Variants in NAALADL2 observed in about 807,000 individuals in gnomAD.
NAALADL2 encodes the protein N-acetylated alpha-linked acidic dipeptidase like 2.
In NAALADL2, 76 loss-of-function variants were observed where a neutral mutation model predicts 87.2. That is an observed-to-expected ratio of 0.87 (90% CI 0.72 to 1.05). NAALADL2 has a LOEUF of 1.05. Among genes scored for constraint, NAALADL2 ranks in the 50% least tolerant of loss-of-function variants. The pLI is 0.00. For synonymous variants in NAALADL2, 354 were observed against 331.0 expected (o/e 1.07, Z -0.75); for missense variants, 1,089 against 945.8 (o/e 1.15, Z -1.99).
intron 9 of NAALADL2, among the ~76,000 whole-genome samples, chr3:175,560,009 T>G (rs1357765394): frequency 2.0e-5 from 3 of 152,214 alleles, no homozygotes; most frequent in African/African-American, 7.2e-5. Context: ...TTGAGTAGCA[T>G]TGGTATCAGA....
intron 1 of NAALADL2, among the ~76,000 whole-genome samples, chr3:174,992,732 A>G (rs1432087480): frequency 6.6e-6 from 1 of 152,140 alleles, no homozygotes; most frequent in Non-Finnish European, 1.5e-5. Flanking sequence ...ATAATTTGCT[A>G]TTTAAAAACT....
chr3:175,147,914 A>G (rs1444516318), intron 2 of NAALADL2, among the ~76,000 whole-genome samples: 2 of 151,974 alleles, frequency 1.3e-5, no homozygotes, highest in South Asian at 2.1e-4. Flanking sequence ...TTCTAAAAAT[A>G]CAAAAATTAG....
intron 13 of NAALADL2, among the ~76,000 whole-genome samples, chr3:175,782,946 CATTT>C (rs1465631579): frequency 6.8e-6 from 1 of 147,196 alleles, no homozygotes; most frequent in Non-Finnish European, 1.5e-5. Flanking sequence ...TTCCCAGCAC[CATTT>C]ATTAAATAGG....
intron 1 of NAALADL2, chr3:174,441,164 G>A (rs993357186): frequency 6.6e-6 from 1 of 152,266 alleles, no homozygotes; most frequent in African/African-American, 2.4e-5. Context: ...CTGAGCTGTG[G>A]GCCGCACCCC....
chr3:175,014,741 A>G (rs1351174672), intron 1 of NAALADL2, among the ~76,000 whole-genome samples: 10 of 152,172 alleles, frequency 6.6e-5, no homozygotes, highest in Admixed American at 6.6e-4. Flanking sequence ...TCTGCATCCC[A>G]AACACTATCT....
chr3:174,783,779 G>C (rs555645651), intron 3 of NAALADL2, among the ~76,000 whole-genome samples: 5 of 152,190 alleles, frequency 3.3e-5, no homozygotes, highest in African/African-American at 1.2e-4. Context: ...GGACAAGGCT[G>C]AAGGAGTGAC....
chr3:175,538,083 A>C (rs867885492), intron 9 of NAALADL2, among the ~76,000 whole-genome samples: 1 of 152,198 alleles, frequency 6.6e-6, no homozygotes, highest in African/African-American at 2.4e-5. Context: ...CATGTGGTTT[A>C]ATTAAATTAT....
intron 2 of NAALADL2, among the ~76,000 whole-genome samples, chr3:175,229,962 G>A (rs1364556594): frequency 5.3e-5 from 8 of 151,840 alleles, no homozygotes; most frequent in African/African-American, 1.2e-4. Context: ...TAATGAAAAC[G>A]GCACATTATT....
chr3:175,342,072 A>C (rs1468604941), intron 5 of NAALADL2, among the ~76,000 whole-genome samples: 2 of 152,102 alleles, frequency 1.3e-5, no homozygotes, highest in African/African-American at 4.8e-5. Flanking sequence ...GGTTACTATA[A>C]TTTTGTAGTA....
chr3:175,761,366 G>C (rs112649062), intron 13 of NAALADL2, among the ~76,000 whole-genome samples: 2 of 152,096 alleles, frequency 1.3e-5, no homozygotes, highest in Non-Finnish European at 2.9e-5. Flanking sequence ...CATTTTCTCC[G>C]TGTTCATTTC....
At chr3:175,137,024 C>T (rs191846879) in intron 2 of NAALADL2, among the ~76,000 whole-genome samples, 1 of 152,158 alleles carries the variant, frequency 6.6e-6, no homozygotes, top group East Asian at 1.9e-4. Context: ...GTTCTGGGAA[C>T]TTAATGATGG....
At chr3:174,853,756 TG>T (rs1293003064) in intron 3 of NAALADL2, among the ~76,000 whole-genome samples, 1 of 152,066 alleles carries the variant, frequency 6.6e-6, no homozygotes, top group Non-Finnish European at 1.5e-5. Context: ...GATATAAAAA[TG>T]GCCAATAGGT....
At chr3:174,707,364 A>G (rs1015607077) in intron 2 of NAALADL2, among the ~76,000 whole-genome samples, 2 of 152,234 alleles carry the variant, frequency 1.3e-5, no homozygotes, top group East Asian at 1.9e-4. Context: ...TATTGTGGCA[A>G]TATTCACAAT....
chr3:174,704,537 C>A (rs1048651516), intron 2 of NAALADL2, among the ~76,000 whole-genome samples: 20 of 151,694 alleles, frequency 1.3e-4, no homozygotes, highest in Non-Finnish European at 2.8e-4. Context: ...ACCAAAATAA[C>A]TAATACTGGA....
rs1195081666 is a variant in NAALADL2 at position 175,504,566 on chromosome 3, TC to T, written c.1653+32809del. 0.015 allele frequency among the ~76,000 whole-genome samples: 15 copies of T among 1,016 alleles called. No individual in the cohort carries two copies. The East Asian group carries it at 0.28, about 19-fold the overall frequency. The allele number at this position is 1,016 out of a possible 152,430, so 0.7% of individuals were successfully genotyped here. ...TTCTTTCTCTCTGTCTCTCTCTGTT[TC>T]TCTCTCTCTCTCTCTCTCTCTCTCT... On this transcript the variant is annotated intron_variant, in intron 9 of 13. Transcript: ENST00000454872.
At chr3:175,221,163 C>A (rs1361954872) in intron 2 of NAALADL2, among the ~76,000 whole-genome samples, 2 of 147,688 alleles carry the variant, frequency 1.4e-5, no homozygotes, top group Admixed American at 6.8e-5. Flanking sequence ...TGTGCCATTG[C>A]ACTCTAGCCT....
chr3:174,715,990 A>G (rs537233733), intron 2 of NAALADL2, among the ~76,000 whole-genome samples: 19 of 152,154 alleles, frequency 1.2e-4, no homozygotes, highest in Admixed American at 1.2e-3. Flanking sequence ...TGCTCAGTCT[A>G]ATTTTTTGTT....
Position 175,155,126 on chromosome 3 carries a change from C to T in NAALADL2, c.545+57835C>T, listed in dbSNP as rs147840436. Among the ~76,000 whole-genome samples, 339 of 152,238 alleles carry T rather than the reference C, an allele frequency of 2.2e-3. 2 individuals carry two copies. Among genetic ancestry groups the T allele is most frequent in the Non-Finnish European group, 3.9e-3 (263 of 68,002 alleles). On this transcript the variant is annotated intron_variant, in intron 2 of 13. Coordinates refer to ENST00000454872, the MANE Select transcript of NAALADL2 (RefSeq NM_207015.3). Reference sequence around the variant, plus strand: ...CTCCACTCTAGCTGTGTGTAACAAACCCCTGGAGAGATGACAAAGCATAGG... The same window carrying T: ...CTCCACTCTAGCTGTGTGTAACAAATCCCTGGAGAGATGACAAAGCATAGG...
chr3:174,963,714 C>A (rs1292465156), intron 1 of NAALADL2, among the ~76,000 whole-genome samples: 1 of 151,984 alleles, frequency 6.6e-6, no homozygotes, highest in African/African-American at 2.4e-5. Flanking sequence ...GCACATATTA[C>A]GAGCTCAACA....
Sources: gnomAD v4.1 joint callset for allele counts (sites outside exome capture counted in the v4.1 genomes callset) on GRCh38, gnomAD v4.1.1 for gene constraint, MANE v1.5 for transcripts, NCBI Gene and HGNC (gene_info 2026-07-23, HGNC 2026-07-21) for gene names.